The following PRKG2 variants were observed in gnomAD, a reference collection of about 807,000 sequenced individuals.
PRKG2 encodes cGMP-dependent protein kinase 2.
In PRKG2, 33 loss-of-function variants were observed where a neutral mutation model predicts 97.2. The observed-to-expected ratio is 0.34, with a 90% confidence interval of 0.26 to 0.45. The LOEUF is 0.45. PRKG2 is among the 20% of genes least tolerant of loss of function. The pLI is 1.00. For synonymous variants in PRKG2, 330 were observed against 321.8 expected, an observed-to-expected ratio of 1.03 and a Z score of -0.27; for missense variants, 638 against 900.0, an observed-to-expected ratio of 0.71 and a Z score of 3.73.
intron 14 of PRKG2, among the ~76,000 whole-genome samples, chr4:81,116,136 T>A (rs1386025655): frequency 6.6e-6 from 1 of 152,152 alleles, no homozygotes; most frequent in African/African-American, 2.4e-5. Context: ...ATCATCCAGG[T>A]AATAAGCATA....
intron 2 of PRKG2, among the ~76,000 whole-genome samples, chr4:81,183,829 A>G (rs58629505): frequency 0.36 from 54,916 of 151,894 alleles, 12,555 homozygotes; most frequent in African/African-American, 0.62. Flanking sequence ...TGCCATTATT[A>G]AGGCTTCAGT....
At chr4:81,133,396 G>A (rs766576682) in intron 14 of PRKG2, among the ~76,000 whole-genome samples, 20 of 151,942 alleles carry the variant, frequency 1.3e-4, no homozygotes, top group Non-Finnish European at 2.6e-4. Flanking sequence ...TAAGTCCAAC[G>A]CTTGGTCTCC....
chr4:81,140,751 C>T (rs1014188871), intron 11 of PRKG2, 82 bp from the exon 12 acceptor site: 3 of 1,274,014 alleles, frequency 2.4e-6, no homozygotes, highest in Non-Finnish European at 3.3e-6. Context: ...AAAACTGTTT[C>T]ATGTTTAATT....
chr4:81,092,514 G>GGAAGGA (rs1741681271), intron 17 of PRKG2, 62 bp from the exon 18 acceptor site: 6 of 336,852 alleles, frequency 1.8e-5, no homozygotes, highest in Non-Finnish European at 2.7e-5. Context: ...GGAAGGAAGG[G>GGAAGGA]AGAAAGAAAG....
chr4:81,194,873 C>T (rs767848735), intron 2 of PRKG2, among the ~76,000 whole-genome samples: 2 of 152,290 alleles, frequency 1.3e-5, no homozygotes, highest in Non-Finnish European at 2.9e-5. Context: ...TAACACAATG[C>T]TCCTCAATGG....
intron 18 of PRKG2, among the ~76,000 whole-genome samples, chr4:81,090,542 T>C (rs1222180882): frequency 6.6e-6 from 1 of 152,214 alleles, no homozygotes; most frequent in Non-Finnish European, 1.5e-5. Flanking sequence ...TTCAAAATAT[T>C]AGTGACCCTG....
intron 13 of PRKG2, among the ~76,000 whole-genome samples, chr4:81,135,905 T>C (rs1349054027): frequency 6.6e-6 from 1 of 151,954 alleles, no homozygotes. Context: ...TGACAGAAAC[T>C]GGGTTTGACT....
chr4:81,155,064 G>A (rs1271578899), intron 6 of PRKG2, among the ~76,000 whole-genome samples: 2 of 149,680 alleles, frequency 1.3e-5, no homozygotes, highest in Admixed American at 6.6e-5. Flanking sequence ...TGTAGTCCCA[G>A]CTACTTGGGA....
chr4:81,148,108 A>C (rs1194656156), intron 9 of PRKG2, among the ~76,000 whole-genome samples: 1 of 152,176 alleles, frequency 6.6e-6, no homozygotes, highest in Non-Finnish European at 1.5e-5. Context: ...TATTTTCAAT[A>C]AATGTTGTAT....
chr4:81,096,296 C>T (rs545064540), intron 17 of PRKG2, among the ~76,000 whole-genome samples: 350 of 152,222 alleles, frequency 2.3e-3, no homozygotes, highest in African/African-American at 8.0e-3. Context: ...AATCCTAGCA[C>T]TTTGGGAGGC....
At chr4:81,100,930 G>T (rs936694862) in intron 17 of PRKG2, among the ~76,000 whole-genome samples, 2 of 152,148 alleles carry the variant, frequency 1.3e-5, no homozygotes, top group Non-Finnish European at 2.9e-5. Flanking sequence ...CTTCTCAAAA[G>T]AAGACATTTA....
intron 14 of PRKG2, among the ~76,000 whole-genome samples, chr4:81,113,369 C>G (rs961284368): frequency 6.8e-6 from 1 of 145,992 alleles, no homozygotes; most frequent in Non-Finnish European, 1.5e-5. Context: ...GAGCACCCCC[C>G]CTTTTTTTTC....
chr4:81,189,546 G>A (rs1437177197), intron 2 of PRKG2, among the ~76,000 whole-genome samples: 1 of 149,700 alleles, frequency 6.7e-6, no homozygotes, highest in Non-Finnish European at 1.5e-5. Context: ...TCACTCATAG[G>A]TGGGAATTGA....
At chr4:81,098,751 G>A (rs1262749973) in intron 17 of PRKG2, among the ~76,000 whole-genome samples, 4 of 152,140 alleles carry the variant, frequency 2.6e-5, no homozygotes, top group Admixed American at 6.6e-5. Flanking sequence ...GCTGCGGTTT[G>A]TGGTGCCATC....
chr4:81,204,450 TC>T, intron 2 of PRKG2, 136 bp downstream of exon 2: 1 of 991,118 alleles, frequency 1.0e-6, no homozygotes, highest in Non-Finnish European at 1.5e-6. Context: ...CAAAACAAAA[TC>T]ATTTCAAAAA....
chr4:81,122,681 C>G (rs1269078386), intron 14 of PRKG2, among the ~76,000 whole-genome samples: 1 of 152,132 alleles, frequency 6.6e-6, no homozygotes, highest in Non-Finnish European at 1.5e-5. Flanking sequence ...CTTTCCCTTA[C>G]TTGCCTCCCT....
intron 6 of PRKG2, among the ~76,000 whole-genome samples, chr4:81,166,387 C>G (rs897984984): frequency 6.6e-6 from 1 of 151,990 alleles, no homozygotes; most frequent in African/African-American, 2.4e-5. Flanking sequence ...TTCCTTACCT[C>G]CTTTAAATTC....
Position 81,146,368 on chromosome 4 carries a change from T to C in PRKG2, c.1155-2038A>G, listed in dbSNP as rs115321257. On this transcript the variant is annotated intron_variant, in intron 9 of 18. Transcript: ENST00000264399. The stretch of plus-strand genomic sequence containing the variant: ...CAGATGCTATAGCCTGAGCAATAAC[T>C]AATGAACTTTTTTTTTGAAATTTGT... Among the ~76,000 whole-genome samples, 1,505 of 152,256 alleles carry C rather than the reference T, an allele frequency of 9.9e-3. 26 individuals carry two copies. Among genetic ancestry groups the C allele is most frequent in the African/African-American group, 0.034 (1,411 of 41,552 alleles).
At chr4:81,155,306 G>A (rs1016030733) in intron 6 of PRKG2, among the ~76,000 whole-genome samples, 7 of 152,002 alleles carry the variant, frequency 4.6e-5, no homozygotes, top group African/African-American at 9.7e-5. Context: ...GAGCCGATGC[G>A]ATCAGCTGGA....
Sources: gnomAD v4.1 joint callset for allele counts (sites outside exome capture counted in the v4.1 genomes callset) on GRCh38, gnomAD v4.1.1 for gene constraint, MANE v1.5 for transcripts, NCBI Gene and HGNC (gene_info 2026-07-23, HGNC 2026-07-21) for gene names.